Variants in HTR1F observed in about 807,000 individuals in gnomAD.
The protein encoded by HTR1F is 5-hydroxytryptamine (serotonin) receptor 1F, G protein-coupled.
Under a neutral mutation model 24.0 loss-of-function variants are expected in HTR1F, and 17 were observed. The ratio of observed to expected loss-of-function variants is 0.71; its 90% CI spans 0.48 to 1.06. The LOEUF (loss-of-function observed/expected upper bound fraction) is 1.06, where lower values mean the gene tolerates loss of function less well. HTR1F is among the 50% of genes least tolerant of loss of function. HTR1F has a pLI of 0.00. For missense variants in HTR1F, 391 were observed against 427.8 expected (o/e 0.91, Z 0.76); for synonymous variants, 186 against 156.8 (o/e 1.19, Z -1.39).
In HTR1F at chr3:87,964,529, C is replaced by T. The variant is rs570231629; in HGVS notation, c.-42-26179C>T. On this transcript the variant is annotated intron_variant, in intron 2 of 2. Transcript: ENST00000319595. ...ATAGCACCATACTCTGAAACCAATC[C>T]AAACCCTCTTCTCAGAGTTTACCAA... Among the ~76,000 whole-genome samples the T allele has an allele frequency of 3.3e-5, 5 of 152,216 alleles. No individual in the cohort carries two copies. The South Asian group carries it at 1.0e-3, about 32-fold the overall frequency.
chr3:87,869,621 C>G (rs1705512242), intron 2 of HTR1F, among the ~76,000 whole-genome samples: 1 of 152,070 alleles, frequency 6.6e-6, no homozygotes, highest in Admixed American at 6.6e-5. Flanking sequence ...GCCTAAGAAA[C>G]AGCAGAGTTC....
intron 2 of HTR1F, among the ~76,000 whole-genome samples, chr3:87,928,596 G>T (rs1704185300): frequency 1.3e-5 from 2 of 152,086 alleles, no homozygotes; most frequent in Admixed American, 6.6e-5. Context: ...ATTTGCCATG[G>T]TGCATACATA....
At chr3:87,809,543 T>C (rs1704127290) in intron 1 of HTR1F, among the ~76,000 whole-genome samples, 1 of 152,038 alleles carries the variant, frequency 6.6e-6, no homozygotes, top group African/African-American at 2.4e-5. Flanking sequence ...ATTTAATTTG[T>C]GATAAGTTCC....
At chr3:87,962,561 T>C (rs1479942948) in intron 2 of HTR1F, among the ~76,000 whole-genome samples, 2 of 152,094 alleles carry the variant, frequency 1.3e-5, no homozygotes, top group East Asian at 1.9e-4. Flanking sequence ...TGTATGCCAG[T>C]GTTATGAATT....
intron 2 of HTR1F, among the ~76,000 whole-genome samples, chr3:87,891,003 A>G (rs1706070134): frequency 6.6e-6 from 1 of 151,820 alleles, no homozygotes; most frequent in Admixed American, 6.6e-5. Context: ...CACCATGCCC[A>G]GCTAATTTTT....
intron 2 of HTR1F, among the ~76,000 whole-genome samples, chr3:87,987,743 TAAAA>T (rs1559660206): frequency 4.3e-5 from 6 of 140,382 alleles, no homozygotes; most frequent in East Asian, 2.0e-4. Context: ...TTTATATATA[TAAAA>T]TATATGTATT....
intron 2 of HTR1F, among the ~76,000 whole-genome samples, chr3:87,980,816 A>T (rs1705524680): frequency 6.6e-6 from 1 of 152,158 alleles, no homozygotes; most frequent in Non-Finnish European, 1.5e-5. Flanking sequence ...AAGCACACAC[A>T]CAACACTCGG....
intron 2 of HTR1F, among the ~76,000 whole-genome samples, chr3:87,951,112 C>T (rs1259868449): frequency 6.6e-6 from 1 of 152,100 alleles, no homozygotes; most frequent in East Asian, 1.9e-4. Context: ...ACTTGGAAAA[C>T]CCTAACAACT....
intron 2 of HTR1F, among the ~76,000 whole-genome samples, chr3:87,987,631 A>T (rs7616002): frequency 4.6e-4 from 19 of 41,748 alleles, no homozygotes; most frequent in South Asian, 2.4e-3. Context: ...TATATATATA[A>T]TATATGTATT....
chr3:87,812,518 G>A (rs1407940044), intron 1 of HTR1F, among the ~76,000 whole-genome samples: 1 of 152,170 alleles, frequency 6.6e-6, no homozygotes. Flanking sequence ...GAGCATAAAC[G>A]TTTGGAAAAT....
intron 1 of HTR1F, among the ~76,000 whole-genome samples, chr3:87,815,666 G>C (rs1294289722): frequency 6.6e-6 from 1 of 152,040 alleles, no homozygotes; most frequent in Non-Finnish European, 1.5e-5. Flanking sequence ...GTAACATGAT[G>C]GAAAGTGTAA....
intron 2 of HTR1F, among the ~76,000 whole-genome samples, chr3:87,912,210 A>G (rs1324671282): frequency 6.6e-6 from 1 of 152,064 alleles, no homozygotes; most frequent in East Asian, 1.9e-4. Flanking sequence ...AAAAAAAAAA[A>G]CTTTAGCAAA....
At chr3:87,931,221 C>A (rs1257084029) in intron 2 of HTR1F, among the ~76,000 whole-genome samples, 1 of 151,996 alleles carries the variant, frequency 6.6e-6, no homozygotes, top group Non-Finnish European at 1.5e-5. Flanking sequence ...ACAACAGTCC[C>A]CAGAGGGTGA....
chr3:87,980,578 C>T (rs1434971389), intron 2 of HTR1F, among the ~76,000 whole-genome samples: 1 of 152,162 alleles, frequency 6.6e-6, no homozygotes, highest in African/African-American at 2.4e-5. Context: ...CCATCCCTGG[C>T]TTGAACATGG....
intron 2 of HTR1F, among the ~76,000 whole-genome samples, chr3:87,835,990 A>G (rs1174371597): frequency 6.6e-6 from 1 of 152,136 alleles, no homozygotes; most frequent in African/African-American, 2.4e-5. Flanking sequence ...CTAAGCCTAC[A>G]CCAAACCAAC....
chr3:87,820,378 G>A (rs1575906645), intron 1 of HTR1F, among the ~76,000 whole-genome samples: 1 of 151,582 alleles, frequency 6.6e-6, no homozygotes. Flanking sequence ...GGGTTTCACC[G>A]TTTTAGCCGG....
chr3:87,822,860 G>A (rs1418334475), intron 2 of HTR1F, among the ~76,000 whole-genome samples: 1 of 152,162 alleles, frequency 6.6e-6, no homozygotes, highest in African/African-American at 2.4e-5. Context: ...CTTTATTCAG[G>A]TCACTGATCT....
intron 1 of HTR1F, among the ~76,000 whole-genome samples, chr3:87,819,788 T>C (rs1354423349): frequency 2.6e-5 from 4 of 152,058 alleles, no homozygotes; most frequent in South Asian, 2.1e-4. Context: ...AACATTTCTA[T>C]ATATTATAAA....
intron 2 of HTR1F, among the ~76,000 whole-genome samples, chr3:87,979,083 GGAAGGA>G (rs1559656486): frequency 1.5e-4 from 1 of 6,640 alleles, no homozygotes; most frequent in African/African-American, 4.7e-4. Flanking sequence ...GAGGGGGGGA[GGAAGGA>G]AGGAAGGAAG....
Sources: gnomAD v4.1 joint callset for allele counts (sites outside exome capture counted in the v4.1 genomes callset) on GRCh38, gnomAD v4.1.1 for gene constraint, MANE v1.5 for transcripts, NCBI Gene and HGNC (gene_info 2026-07-23, HGNC 2026-07-21) for gene names.